Variants in ZNF804A observed in about 807,000 individuals in gnomAD.
ZNF804A encodes zinc finger protein 804A.
A neutral mutation model predicts 16.5 loss-of-function variants in ZNF804A; 2 were observed. That is an observed-to-expected ratio of 0.12 (90% CI 0.05 to 0.38). The LOEUF (loss-of-function observed/expected upper bound fraction) is 0.38, where lower values mean the gene tolerates loss of function less well. Among genes scored for constraint, ZNF804A ranks in the 10% least tolerant of loss-of-function variants. ZNF804A has a pLI of 0.99. For synonymous variants in ZNF804A, 534 were observed against 489.6 expected, an observed-to-expected ratio of 1.09 and a Z score of -1.20; for missense variants, 1,473 against 1,390.7, an observed-to-expected ratio of 1.06 and a Z score of -0.94.
At chr2:184,855,930 C>T (rs912983983) in intron 1 of ZNF804A, among the ~76,000 whole-genome samples, 3 of 152,012 alleles carry the variant, frequency 2.0e-5, no homozygotes, top group Non-Finnish European at 4.4e-5. Flanking sequence ...CAGAGTCCAT[C>T]AGTAAGGAGA....
At chr2:184,873,964 C>A (rs148188678) in intron 2 of ZNF804A, among the ~76,000 whole-genome samples, 1 of 152,112 alleles carries the variant, frequency 6.6e-6, no homozygotes, top group African/African-American at 2.4e-5. Context: ...AATGTTAATT[C>A]TAATAGGTAT....
At chr2:184,680,232 C>A (rs989754239) in intron 1 of ZNF804A, among the ~76,000 whole-genome samples, 5 of 151,198 alleles carry the variant, frequency 3.3e-5, no homozygotes, top group African/African-American at 1.2e-4. Flanking sequence ...GACCTACCTG[C>A]GGAGAAGAGC....
intron 1 of ZNF804A, among the ~76,000 whole-genome samples, chr2:184,742,780 GTGTATGTATA>G (rs1693729091): frequency 6.6e-6 from 1 of 151,556 alleles, no homozygotes; most frequent in Non-Finnish European, 1.5e-5. Context: ...ATTTATGTGT[GTGTATGTATA>G]TAACTATATG....
intron 3 of ZNF804A, among the ~76,000 whole-genome samples, chr2:184,934,628 T>C (rs1685755807): frequency 6.6e-6 from 1 of 152,108 alleles, no homozygotes; most frequent in African/African-American, 2.4e-5. Flanking sequence ...AATAAAAAAT[T>C]ATACAAATTT....
chr2:184,938,647 T>A lies in ZNF804A; in HGVS notation c.3251T>A (p.Leu1084Ter). 6.2e-7 allele frequency: 1 copy of A among 1,614,028 alleles called. No homozygotes were observed. The highest frequency in any genetic ancestry group is 8.5e-7 in the Non-Finnish European group (1 of 1,179,968). Residue 1084 changes from leucine to a stop codon, truncating the protein, a stop_gained, in exon 4 of 4, where the codon TTG (leucine) becomes TAG (stop). Transcript: ENST00000302277. LOFTEE classifies it low-confidence loss of function (END_TRUNC). ...CCCCCTAGCACACCTCTGCAGCCTT[T>A]GCCTTTGCAGCAGTCCTTATGTTCT... ...LPPPSTPLQPLPLQQSLCSTS... is the reference protein window; with the variant it reads ...LPPPSTPLQP
rs762159316 is a variant in ZNF804A at position 184,938,936 on chromosome 2, C to T, written c.3540C>T (p.Ser1180=). The change falls in exon 4 of 4, where the codon AGC becomes AGT. Residue 1180 remains serine (S), a synonymous_variant. Coordinates refer to ENST00000302277, the MANE Select transcript of ZNF804A (RefSeq NM_194250.2). The part of the protein sequence containing the change: ...PIIPASVLHP[S]HLAFPSLPHA... ...TTCCAGCTTCCGTTCTTCATCCTAG[C>T]CATCTGGCTTTCCCATCTTTACCCC... 5.0e-6 allele frequency: 8 copies of T among 1,613,744 alleles called. No individual in the cohort carries two copies. The highest frequency in any genetic ancestry group is 5.1e-6 in the Non-Finnish European group (6 of 1,179,962).
intron 1 of ZNF804A, among the ~76,000 whole-genome samples, chr2:184,715,515 A>G (rs905732475): frequency 6.6e-6 from 1 of 152,050 alleles, no homozygotes; most frequent in Non-Finnish European, 1.5e-5. Flanking sequence ...CCTCCCACAT[A>G]TAGCTAGGAC....
intron 1 of ZNF804A, among the ~76,000 whole-genome samples, chr2:184,650,560 C>T (rs1188222179): frequency 6.6e-6 from 1 of 152,038 alleles, no homozygotes; most frequent in African/African-American, 2.4e-5. Context: ...CTCAAAAAGC[C>T]CTAAAGACTC....
At chr2:184,757,918 G>C (rs1480385011) in intron 1 of ZNF804A, among the ~76,000 whole-genome samples, 2 of 151,962 alleles carry the variant, frequency 1.3e-5, no homozygotes, top group Non-Finnish European at 2.9e-5. Flanking sequence ...TAATTTTCTT[G>C]AAGGGAAATA....
intron 1 of ZNF804A, among the ~76,000 whole-genome samples, chr2:184,810,922 T>C (rs1694889447): frequency 1.3e-5 from 2 of 152,234 alleles, no homozygotes; most frequent in South Asian, 4.1e-4. Flanking sequence ...TTTATATGTA[T>C]AAGAAATTTT....
chr2:184,816,183 T>C (rs1056673755), intron 1 of ZNF804A, among the ~76,000 whole-genome samples: 1 of 152,012 alleles, frequency 6.6e-6, no homozygotes, highest in South Asian at 2.1e-4. Context: ...ACCAAGAATA[T>C]GGCAATTGTT....
At chr2:184,655,992 T>C (rs1416406400) in intron 1 of ZNF804A, among the ~76,000 whole-genome samples, 1 of 152,152 alleles carries the variant, frequency 6.6e-6, no homozygotes, top group Non-Finnish European at 1.5e-5. Context: ...TTAATCTATT[T>C]AAATTCTAAA....
intron 1 of ZNF804A, among the ~76,000 whole-genome samples, chr2:184,719,735 A>T (rs190081502): frequency 6.6e-6 from 1 of 152,066 alleles, no homozygotes; most frequent in Non-Finnish European, 1.5e-5. Flanking sequence ...AGACCACCTC[A>T]TCCTGGATTT....
chr2:184,930,361 T>C (rs912611983), intron 2 of ZNF804A, among the ~76,000 whole-genome samples: 3 of 152,198 alleles, frequency 2.0e-5, no homozygotes, highest in African/African-American at 7.2e-5. Context: ...CTGGGAAATA[T>C]CTATACAATT....
chr2:184,681,299 C>T (rs940324958), intron 1 of ZNF804A, among the ~76,000 whole-genome samples: 1 of 152,122 alleles, frequency 6.6e-6, no homozygotes, highest in African/African-American at 2.4e-5. Flanking sequence ...CAAAAAAAAT[C>T]CCACTAAAAG....
chr2:184,600,250 G>C (rs552050178), intron 1 of ZNF804A, among the ~76,000 whole-genome samples: 1 of 152,262 alleles, frequency 6.6e-6, no homozygotes, highest in Admixed American at 6.5e-5. Context: ...TGTTTTCCAA[G>C]AATGAAAAGT....
At chr2:184,883,748 A>T (rs1053936115) in intron 2 of ZNF804A, among the ~76,000 whole-genome samples, 1 of 152,110 alleles carries the variant, frequency 6.6e-6, no homozygotes, top group Non-Finnish European at 1.5e-5. Flanking sequence ...ATAAAATTCA[A>T]CACCCCTTCG....
intron 2 of ZNF804A, among the ~76,000 whole-genome samples, chr2:184,928,493 C>T (rs901406295): frequency 6.6e-6 from 1 of 152,136 alleles, no homozygotes; most frequent in African/African-American, 2.4e-5. Flanking sequence ...GGAGTGGCAT[C>T]AGCCCTCCCT....
Position 184,766,892 on chromosome 2 carries a change from G to T in ZNF804A, c.112-99477G>T, listed in dbSNP as rs143525336. Among the ~76,000 whole-genome samples, 18 of 152,148 alleles carry T rather than the reference G, an allele frequency of 1.2e-4. No homozygotes were observed. The East Asian group carries it at 2.3e-3, about 20-fold the overall frequency. Reference sequence around the variant, plus strand: ...CAATGGTACTGCCTTCAGAGGTAGGGTTTTTAAGGAAGTAATTAAGGTTAA... The same window carrying T: ...CAATGGTACTGCCTTCAGAGGTAGGTTTTTTAAGGAAGTAATTAAGGTTAA... On this transcript the variant is annotated intron_variant, in intron 1 of 3. Transcript: ENST00000302277.
Sources: allele counts gnomAD v4.1 joint callset (sites outside exome capture counted in the v4.1 genomes callset), GRCh38; gene constraint gnomAD v4.1.1; transcripts MANE v1.5; gene names NCBI Gene and HGNC (gene_info 2026-07-23, HGNC 2026-07-21).